Variants in DLGAP4 observed in about 807,000 individuals in gnomAD.
DLGAP4 encodes DLG associated protein 4.
In DLGAP4, 18 loss-of-function variants were observed where a neutral mutation model predicts 86.9. The observed-to-expected ratio is 0.21, with a 90% CI of 0.14 to 0.31. DLGAP4 has a LOEUF of 0.31. Ranked by LOEUF, DLGAP4 falls within the 10% of genes least tolerant of loss-of-function variation. The pLI, the probability that DLGAP4 is intolerant of heterozygous loss-of-function variation, is 1.00. For synonymous variants in DLGAP4, 548 were observed against 574.3 expected (o/e 0.95, Z 0.65); for missense variants, 1,085 against 1,362.6 (o/e 0.80, Z 3.21).
At chr20:36,443,732 C>T (rs1368688563) in intron 6 of DLGAP4, among the ~76,000 whole-genome samples, 3 of 152,112 alleles carry the variant, frequency 2.0e-5, no homozygotes, top group Non-Finnish European at 4.4e-5. Flanking sequence ...ACCAGCAGCG[C>T]TGACCAGCTG....
intron 10 of DLGAP4, among the ~76,000 whole-genome samples, chr20:36,507,111 T>C (rs529151049): frequency 2.6e-5 from 4 of 152,320 alleles, no homozygotes; most frequent in African/African-American, 9.6e-5. Context: ...GTGAATAATG[T>C]TTCCTGTCTC....
At chr20:36,473,836 C>T (rs1217144996) in intron 7 of DLGAP4, among the ~76,000 whole-genome samples, 1 of 152,128 alleles carries the variant, frequency 6.6e-6, no homozygotes, top group East Asian at 1.9e-4. Flanking sequence ...TCCCTAAGGG[C>T]ACCTACTGAG....
intron 1 of DLGAP4, among the ~76,000 whole-genome samples, chr20:36,348,200 T>G (rs1555893190): frequency 2.0e-5 from 3 of 152,216 alleles, no homozygotes; most frequent in African/African-American, 4.8e-5. Context: ...CCAGCTAAAA[T>G]CAGGAGTTCA....
chr20:36,524,401 T>A, intron 11 of DLGAP4, 60 bp downstream of exon 11: 1 of 1,448,098 alleles, frequency 6.9e-7, no homozygotes, highest in Non-Finnish European at 9.5e-7. Context: ...CCCACTATAC[T>A]CTGCCAGCCC....
At chr20:36,497,549 T>C (rs1600655369) in intron 8 of DLGAP4, 1 of 989,600 alleles carries the variant, frequency 1.0e-6, no homozygotes, top group Middle Eastern at 5.2e-4. Context: ...CCTTGAGCCA[T>C]GGGGGTTGCT....
At position 36,467,060 on chromosome 20, in the gene DLGAP4, CTCT is replaced by C. The variant is rs1373420455; in HGVS notation, c.1648+20124_1648+20126del. Among the ~76,000 whole-genome samples the C allele has an allele frequency of 8.8e-3, 1,004 of 114,486 alleles. 16 individuals are homozygous for C. The highest frequency in any genetic ancestry group is 0.02 in the East Asian group (86 of 4,282). 75.1% of individuals were successfully genotyped at this position (114,486 alleles called of 152,430 possible). A position where few individuals can be genotyped will look rare whatever the true frequency, so the allele number is the denominator to read the frequency against. On this transcript the variant is annotated intron_variant, in intron 7 of 12. Coordinates refer to ENST00000339266, the MANE Select transcript of DLGAP4 (RefSeq NM_001365621.2). ...TCTCTCTCTCTCTCTCTCTCTCTCTCTCTCCCCCCCCCTTCTCTCGGCCCTGCC... is the reference window on the plus strand; with the variant it reads ...TCTCTCTCTCTCTCTCTCTCTCTCTCCCCCCCCCCTTCTCTCGGCCCTGCC...
intron 7 of DLGAP4, among the ~76,000 whole-genome samples, chr20:36,469,752 CAAAA>C (rs529690960): frequency 4.9e-5 from 4 of 81,824 alleles, no homozygotes; most frequent in Admixed American, 1.4e-4. Flanking sequence ...GACTCTGTCT[CAAAA>C]AAAAAAAAAA....
intron 7 of DLGAP4, among the ~76,000 whole-genome samples, chr20:36,455,103 C>T (rs760714589): frequency 6.6e-5 from 10 of 152,136 alleles, no homozygotes; most frequent in Non-Finnish European, 1.5e-4. Context: ...TCTCTTCTCT[C>T]TATGCCTCTG....
chr20:36,458,262 G>C (rs999669626), intron 7 of DLGAP4, among the ~76,000 whole-genome samples: 2 of 150,204 alleles, frequency 1.3e-5, no homozygotes, highest in Non-Finnish European at 3.0e-5. Flanking sequence ...TGTAATCCCA[G>C]CACTTTGGTA....
chr20:36,378,326 G>C (rs547359555), intron 2 of DLGAP4, among the ~76,000 whole-genome samples: 1 of 152,304 alleles, frequency 6.6e-6, no homozygotes, highest in Non-Finnish European at 1.5e-5. Flanking sequence ...AGGGTGGATG[G>C]TGCCTGGCAC....
intron 2 of DLGAP4, among the ~76,000 whole-genome samples, chr20:36,411,855 A>G (rs1393186313): frequency 6.6e-6 from 1 of 152,104 alleles, no homozygotes; most frequent in Non-Finnish European, 1.5e-5. Context: ...ATCCCTTTTT[A>G]TGAAACGCTC....
intron 1 of DLGAP4, among the ~76,000 whole-genome samples, chr20:36,339,831 T>A (rs1177562323): frequency 2.6e-5 from 4 of 152,188 alleles, no homozygotes; most frequent in Non-Finnish European, 4.4e-5. Context: ...TGCTGGCATT[T>A]GCTCATGGAG....
intron 2 of DLGAP4, among the ~76,000 whole-genome samples, chr20:36,392,176 G>A (rs1363023212): frequency 1.3e-5 from 2 of 152,192 alleles, no homozygotes; most frequent in African/African-American, 4.8e-5. Flanking sequence ...GAGCCACTCG[G>A]CTTCCAGCTC....
chr20:36,402,080 C>T (rs2032179553), intron 2 of DLGAP4, among the ~76,000 whole-genome samples: 1 of 152,214 alleles, frequency 6.6e-6, no homozygotes, highest in East Asian at 1.9e-4. Context: ...AAACCATTTA[C>T]AACTGCAAAT....
At chr20:36,389,789 T>C (rs1569482478) in intron 2 of DLGAP4, among the ~76,000 whole-genome samples, 2 of 152,212 alleles carry the variant, frequency 1.3e-5, no homozygotes, top group East Asian at 3.8e-4. Flanking sequence ...AGAAGTAGCA[T>C]GATTCACTGT....
intron 1 of DLGAP4, among the ~76,000 whole-genome samples, chr20:36,319,014 A>G (rs1426860123): frequency 6.6e-6 from 1 of 151,968 alleles, no homozygotes; most frequent in Non-Finnish European, 1.5e-5. Flanking sequence ...ATGGTGGTGC[A>G]CGCCTGTAGT....
In DLGAP4 at chr20:36,496,583, C is replaced by T. The variant is rs973282404; in HGVS notation, c.1649-122C>T. 54 of 1,439,418 alleles carry T rather than the reference C, an allele frequency of 3.8e-5. No homozygotes were observed. The Middle Eastern group carries it at 6.3e-4, about 17-fold the overall frequency. The allele number at this position is 1,439,418 out of a possible 1,614,324, so 89.2% of individuals were successfully genotyped here. A position where few individuals can be genotyped will look rare whatever the true frequency, so the allele number is the denominator to read the frequency against. The stretch of plus-strand genomic sequence containing the variant: ...TCCCTGCTCCAGAAATCCTTGCGGA[C>T]GGAATGGCTAAGCCCAGAGCTAGGG... On this transcript the variant is annotated intron_variant, in intron 7 of 12. Coordinates refer to ENST00000339266, the MANE Select transcript of DLGAP4 (RefSeq NM_001365621.2).
chr20:36,464,993 C>T (rs187113083), intron 7 of DLGAP4, among the ~76,000 whole-genome samples: 2 of 152,278 alleles, frequency 1.3e-5, no homozygotes, highest in African/African-American at 2.4e-5. Context: ...GTTTTCTTAT[C>T]TGGACTCAAG....
intron 6 of DLGAP4, 133 bp from the exon 7 acceptor site, chr20:36,446,564 T>G: frequency 2.6e-6 from 2 of 777,150 alleles, no homozygotes; most frequent in Non-Finnish European, 4.1e-6. Flanking sequence ...ATACGCTGAG[T>G]GAGATGGACA....
Sources: allele counts gnomAD v4.1 joint callset (sites outside exome capture counted in the v4.1 genomes callset), GRCh38; gene constraint gnomAD v4.1.1; transcripts MANE v1.5; gene names NCBI Gene and HGNC (gene_info 2026-07-23, HGNC 2026-07-21).